The following ATP1A2 variants were observed in gnomAD, a reference collection of about 807,000 sequenced individuals.
The protein encoded by ATP1A2 is sodium/potassium-transporting ATPase subunit alpha-2.
In ATP1A2, 56 loss-of-function variants were observed where a neutral mutation model predicts 113.1. The observed-to-expected ratio is 0.49, with a 90% confidence interval of 0.40 to 0.62. ATP1A2 has a LOEUF of 0.62. Ranked by LOEUF, ATP1A2 falls within the 20% of genes least tolerant of loss-of-function variation. The probability of loss-of-function intolerance (pLI) is 0.00; values close to 1 mark genes in which losing one functional copy is unlikely to be tolerated. For missense variants in ATP1A2, 712 were observed against 1,357.8 expected (o/e 0.52, Z 7.47); for synonymous variants, 490 against 526.8 (o/e 0.93, Z 0.96).
At chr1:160,137,970 C>A (rs1388083099) in intron 20 of ATP1A2, among the ~76,000 whole-genome samples, 3 of 152,066 alleles carry the variant, frequency 2.0e-5, no homozygotes, top group African/African-American at 7.2e-5. Flanking sequence ...AAAAAAAATG[C>A]AATTTGAAGA....
At chr1:160,116,399 C>A (rs576517910) in intron 1 of ATP1A2, among the ~76,000 whole-genome samples, 1 of 152,080 alleles carries the variant, frequency 6.6e-6, no homozygotes, top group East Asian at 1.9e-4. Flanking sequence ...CCCTGAGTGC[C>A]AAGGACAGCT....
At chr1:160,129,990 C>T (rs771348491) in intron 11 of ATP1A2, 112 bp from the exon 12 acceptor site, 67 of 1,362,030 alleles carry the variant, frequency 4.9e-5, no homozygotes, top group Non-Finnish European at 5.2e-5. Context: ...TGTTGACAAT[C>T]TTTGATGGGT....
chr1:160,140,123 C>G (rs1652089334), intron 22 of ATP1A2, 139 bp downstream of exon 22: 1 of 858,924 alleles, frequency 1.2e-6, no homozygotes, highest in Admixed American at 2.0e-5. Context: ...GGTCCCAGGT[C>G]CCAGGAGCCC....
At chr1:160,139,307 C>G (rs1173054400) in intron 20 of ATP1A2, among the ~76,000 whole-genome samples, 1 of 152,108 alleles carries the variant, frequency 6.6e-6, no homozygotes, top group African/African-American at 2.4e-5. Context: ...CTTTCATGGG[C>G]CCTGTGCCTG....
At chr1:160,136,739 G>A (rs1651964428) in intron 19 of ATP1A2, 24 bp downstream of exon 19, 1 of 1,614,074 alleles carries the variant, frequency 6.2e-7, no homozygotes, top group Non-Finnish European at 8.5e-7. Context: ...TGTAAACACA[G>A]CGCACATGTG....
At chr1:160,136,500 G>A (rs1274174002) in intron 18 of ATP1A2, 70 bp from the exon 19 acceptor site, 6 of 1,613,098 alleles carry the variant, frequency 3.7e-6, no homozygotes, top group Admixed American at 1.7e-5. Flanking sequence ...TCCATCTCTG[G>A]CCCTGAGGGG....
At chr1:160,117,985 C>T (rs530717902) in intron 1 of ATP1A2, among the ~76,000 whole-genome samples, 11 of 152,064 alleles carry the variant, frequency 7.2e-5, no homozygotes, top group Non-Finnish European at 1.5e-4. Context: ...CTTGCTTCCT[C>T]TCTTTCTTTC....
intron 17 of ATP1A2, 51 bp downstream of exon 17, chr1:160,136,044 A>T: frequency 6.2e-7 from 1 of 1,613,720 alleles, no homozygotes; most frequent in African/African-American, 1.3e-5. Flanking sequence ...GTGATGGCAC[A>T]GTGGCAGGGA....
intron 7 of ATP1A2, 92 bp from the exon 8 acceptor site, chr1:160,127,460 C>T: frequency 1.9e-6 from 3 of 1,586,906 alleles, no homozygotes; most frequent in East Asian, 2.3e-5. Flanking sequence ...GCTCACCTAT[C>T]CTGTGATGAT....
At chr1:160,116,833 A>G (rs1337017019) in intron 1 of ATP1A2, among the ~76,000 whole-genome samples, 1 of 152,142 alleles carries the variant, frequency 6.6e-6, no homozygotes, top group Non-Finnish European at 1.5e-5. Context: ...GGAGTCAGGC[A>G]AGGACATGTT....
intron 7 of ATP1A2, among the ~76,000 whole-genome samples, chr1:160,126,281 C>T (rs548477110): frequency 6.6e-6 from 1 of 152,222 alleles, no homozygotes; most frequent in Admixed American, 6.5e-5. Context: ...ACTTATAATA[C>T]CGAGTGCAAT....
intron 17 of ATP1A2, 40 bp downstream of exon 17, chr1:160,136,033 C>A (rs748763221): frequency 1.2e-6 from 2 of 1,613,914 alleles, no homozygotes; most frequent in Non-Finnish European, 1.7e-6. Context: ...GCAAGGCAAT[C>A]GTGATGGCAC....
In ATP1A2 at chr1:160,128,677, G is replaced by T; in HGVS notation, c.1043G>T (p.Arg348Leu). ...VTVCLTLTAK[R>L]MARKNCLVKN... is the part of the protein sequence containing the mutation. ...GTGTGCCTGACCCTGACAGCCAAGC[G>T]CATGGCACGGAAGAACTGCCTGGTG... is the stretch of plus-strand genomic sequence containing the variant. The change falls in exon 9 of 23, where the codon CGC (arginine) becomes CTC (leucine). Residue 348 changes from arginine (R) to leucine (L), a missense_variant. Arg to Leu is a moderately radical substitution (Grantham distance 102, BLOSUM62 -2). Around this residue, in one of 6 missense-constraint regions of ATP1A2, gnomAD observed 44 missense variants for 153.1 expected, o/e 0.29. Transcript: ENST00000361216. 6.2e-7 allele frequency: 1 copy of T among 1,614,130 alleles called. No homozygotes were observed. Among genetic ancestry groups the T allele is most frequent in the Non-Finnish European group, 8.5e-7 (1 of 1,180,034 alleles).
At chr1:160,116,156 C>T (rs1651170705) in intron 1 of ATP1A2, among the ~76,000 whole-genome samples, 1 of 152,056 alleles carries the variant, frequency 6.6e-6, no homozygotes, top group Admixed American at 6.5e-5. Context: ...ACCCCACTCC[C>T]ACATCTCTAG....
chr1:160,141,450 A>C lies in ATP1A2; in HGVS notation c.*128A>C. 3.3e-6 allele frequency: 4 copies of C among 1,226,808 alleles called. No individual in the cohort carries two copies. The highest frequency in any genetic ancestry group is 4.8e-6 in the Non-Finnish European group (4 of 836,594). The allele number at this position is 1,226,808 out of a possible 1,614,324, so 76.0% of individuals were successfully genotyped here. A position where few individuals can be genotyped will look rare whatever the true frequency, so the allele number is the denominator to read the frequency against. On this transcript the variant is annotated 3_prime_UTR_variant, in exon 23 of 23. Transcript: ENST00000361216. ...AACATTTGGGGAGAGATAATGAGGC[A>C]ACTCAGCAGGCTAAGTTGCGGGGTA...
chr1:160,136,374 C>T lies in ATP1A2; in HGVS notation c.2563+4C>T, dbSNP rs3747626. ...AGCATGGCCTACGGACAGATCGGTG[C>T]GCCAAGCCCCGGGCCTCGGGAGGGA... On this transcript the variant is annotated splice_donor_region_variant and intron_variant, in intron 18 of 22. Coordinates refer to ENST00000361216, the MANE Select transcript of ATP1A2 (RefSeq NM_000702.4). 6.3e-4 allele frequency: 1,019 copies of T among 1,613,950 alleles called. 5 individuals carry two copies. The East Asian group carries it at 9.9e-3, about 16-fold the overall frequency.
At chr1:160,121,398 C>A in intron 3 of ATP1A2, 147 bp downstream of exon 3, 2 of 937,300 alleles carry the variant, frequency 2.1e-6, no homozygotes, top group Non-Finnish European at 3.4e-6. Context: ...CAAGGACATG[C>A]AGCTAGTTGG....
At position 160,141,401 on chromosome 1, in the gene ATP1A2, A is replaced by C; in HGVS notation, c.*79A>C. On this transcript the variant is annotated 3_prime_UTR_variant, in exon 23 of 23. Transcript: ENST00000361216. The stretch of plus-strand genomic sequence containing the variant: ...TGGGGATGGTGATGGAGAGGGATGG[A>C]AATAACGGGTGGCATTGGGTGGCAA... 1 of 1,581,834 alleles carries C rather than the reference A, an allele frequency of 6.3e-7. No homozygotes were observed. The highest frequency in any genetic ancestry group is 8.7e-7 in the Non-Finnish European group (1 of 1,151,208).
At chr1:160,118,674 G>A (rs1651268330) in intron 1 of ATP1A2, among the ~76,000 whole-genome samples, 1 of 152,108 alleles carries the variant, frequency 6.6e-6, no homozygotes, top group African/African-American at 2.4e-5. Flanking sequence ...TTTCTGAGAA[G>A]AGCACTTCTG....
Sources: gnomAD v4.1 joint callset for allele counts (sites outside exome capture counted in the v4.1 genomes callset) on GRCh38, gnomAD v4.1.1 for gene constraint, gnomAD v4.1.1 regional missense constraint, MANE v1.5 for transcripts, NCBI Gene and HGNC (gene_info 2026-07-23, HGNC 2026-07-21) for gene names.